Variants in HIPK3 observed in about 807,000 individuals in gnomAD.
HIPK3 encodes homeodomain interacting protein kinase 3.
In HIPK3, 47 loss-of-function variants were observed where a neutral mutation model predicts 124.2. The observed-to-expected ratio is 0.38, with a 90% CI of 0.30 to 0.48. The LOEUF is 0.48. Among genes scored for constraint, HIPK3 ranks in the 20% least tolerant of loss-of-function variants. HIPK3 has a pLI of 0.98. For missense variants in HIPK3, 1,286 were observed against 1,454.3 expected (o/e 0.88, Z 1.88); for synonymous variants, 482 against 515.2 (o/e 0.94, Z 0.87).
In HIPK3 at chr11:33,298,188, C is replaced by T. The variant is rs191035877; in HGVS notation, c.1097+10677C>T. ...AAAATCCCAGAGCCCTTTAGAATTA[C>T]GCCAAATCGACTCTGCCTCGACTCT... is the stretch of plus-strand genomic sequence containing the variant. On this transcript the variant is annotated intron_variant, in intron 2 of 16. Transcript: ENST00000303296. Among the ~76,000 whole-genome samples, 55 of 152,268 alleles carry T rather than the reference C, an allele frequency of 3.6e-4. No individual in the cohort carries two copies. The East Asian group carries it at 7.3e-3, about 20-fold the overall frequency.
At chr11:33,283,617 C>T (rs993789216) in intron 1 of HIPK3, among the ~76,000 whole-genome samples, 2 of 151,744 alleles carry the variant, frequency 1.3e-5, no homozygotes, top group African/African-American at 2.4e-5. Flanking sequence ...TTCCTTGTAC[C>T]ATACCTTAGC....
At chr11:33,256,711 G>A, upstream of HIPK3, 2 of 984,558 alleles carry the variant, frequency 2.0e-6, no homozygotes, top group Non-Finnish European at 2.4e-6. Flanking sequence ...TAGTCTTTGG[G>A]AGTTAAACCG....
At chr11:33,310,311 T>TATCTATCTAATCTA (rs1565078200) in intron 2 of HIPK3, among the ~76,000 whole-genome samples, 1 of 150,848 alleles carries the variant, frequency 6.6e-6, no homozygotes, top group African/African-American at 2.5e-5. Context: ...CTATCTAATC[T>TATCTATCTAATCTA]ATCTATCTAT....
chr11:33,287,864 T>C (rs1309216238), intron 2 of HIPK3, among the ~76,000 whole-genome samples: 2 of 152,188 alleles, frequency 1.3e-5, no homozygotes. Context: ...ATTTTAGCAC[T>C]TGAGAGAAAT....
chr11:33,313,038 G>T (rs966480346), intron 2 of HIPK3, among the ~76,000 whole-genome samples: 1 of 152,116 alleles, frequency 6.6e-6, no homozygotes, highest in Non-Finnish European at 1.5e-5. Flanking sequence ...TTAATAGGTT[G>T]TACTTGAAAA....
intron 1 of HIPK3, chr11:33,258,214 C>A (rs1850722243): frequency 4.1e-6 from 3 of 738,030 alleles, no homozygotes; most frequent in Middle Eastern, 7.0e-4. Context: ...GGCCCCCCCT[C>A]CCCCTGCCAA....
chr11:33,280,459 TA>T (rs1210926709), intron 1 of HIPK3, among the ~76,000 whole-genome samples: 1 of 152,210 alleles, frequency 6.6e-6, no homozygotes. Context: ...GTGGTCAAGT[TA>T]ATAAGTAATT....
intron 4 of HIPK3, among the ~76,000 whole-genome samples, chr11:33,337,786 G>A (rs1015015533): frequency 5.3e-5 from 8 of 151,874 alleles, no homozygotes; most frequent in Non-Finnish European, 1.0e-4. Flanking sequence ...CGATTCTCCT[G>A]CCTTAGCCTC....
intron 8 of HIPK3, among the ~76,000 whole-genome samples, chr11:33,345,527 G>A (rs1211791036): frequency 6.6e-6 from 1 of 152,074 alleles, no homozygotes; most frequent in African/African-American, 2.4e-5. Flanking sequence ...TCATCTTAAG[G>A]CATTGCTTGT....
At chr11:33,300,419 A>G (rs1334509985) in intron 2 of HIPK3, among the ~76,000 whole-genome samples, 1 of 152,110 alleles carries the variant, frequency 6.6e-6, no homozygotes, top group Non-Finnish European at 1.5e-5. Context: ...AGCAGCCATC[A>G]ACATTAAGGT....
At chr11:33,314,953 A>G (rs1852453447) in intron 2 of HIPK3, among the ~76,000 whole-genome samples, 1 of 152,168 alleles carries the variant, frequency 6.6e-6, no homozygotes, top group South Asian at 2.1e-4. Flanking sequence ...ACTTACATTT[A>G]TTTTGTTATG....
At chr11:33,304,284 G>T (rs266449) in intron 2 of HIPK3, among the ~76,000 whole-genome samples, 1 of 152,180 alleles carries the variant, frequency 6.6e-6, no homozygotes. Context: ...GCGGGCAGGC[G>T]CAGTGGCTCA....
intron 2 of HIPK3, among the ~76,000 whole-genome samples, chr11:33,308,613 GGTGTGTGTGTGT>G (rs10628141): frequency 1.4e-5 from 2 of 147,476 alleles, no homozygotes; most frequent in East Asian, 4.0e-4. Flanking sequence ...TGTGCCTAGG[GGTGTGTGTGTGT>G]GTGTGTGTGT....
rs569657051 is a variant in HIPK3 at position 33,328,830 on chromosome 11, T to C, written c.1221+197T>C. On this transcript the variant is annotated intron_variant, in intron 3 of 16. Coordinates refer to ENST00000303296, the MANE Select transcript of HIPK3 (RefSeq NM_005734.5). ...TAAGTTTTCATAAAGTTACAGCCTA[T>C]AGAATCTCAAAACCAGTTTTGTAAA... is the stretch of plus-strand genomic sequence containing the variant. Among the ~76,000 whole-genome samples the C allele has an allele frequency of 5.3e-5, 8 of 152,336 alleles. No individual in the cohort carries two copies. In the East Asian group the frequency reaches 7.7e-4, roughly 15 times the overall value.
chr11:33,280,870 G>C (rs1483242759), intron 1 of HIPK3, among the ~76,000 whole-genome samples: 1 of 151,954 alleles, frequency 6.6e-6, no homozygotes, highest in South Asian at 2.1e-4. Context: ...AGACTTGGGG[G>C]CCCTGATTTG....
chr11:33,308,819 A>G lies in HIPK3; in HGVS notation c.1098-19691A>G, dbSNP rs913225312. Among the ~76,000 whole-genome samples the G allele has an allele frequency of 5.9e-5, 9 of 151,272 alleles. No individual in the cohort carries two copies. In the South Asian group the frequency reaches 1.2e-3, roughly 21 times the overall value. On this transcript the variant is annotated intron_variant, in intron 2 of 16. Transcript: ENST00000303296. ...GTTCTATATATATAAGACTTTAAAA[A>G]TGATCTGTATATTTCTGATGTTTTC...
At position 33,257,863 on chromosome 11, in the gene HIPK3, G is replaced by C; in HGVS notation, c.-29G>C. ...ATGCTCAGGGCTGCGGCCGCCCGAAGAGGAGAGAGCGCGGGCCTCTAGGAA... is the reference window on the plus strand; with the variant it reads ...ATGCTCAGGGCTGCGGCCGCCCGAACAGGAGAGAGCGCGGGCCTCTAGGAA... On this transcript the variant is annotated 5_prime_UTR_variant, in exon 1 of 17. Transcript: ENST00000303296. 1.0e-6 allele frequency: 1 copy of C among 985,600 alleles called. No homozygotes were observed. The allele number at this position is 985,600 out of a possible 1,614,324, so 61.1% of individuals were successfully genotyped here.
At chr11:33,290,544 A>G (rs1166198918) in intron 2 of HIPK3, among the ~76,000 whole-genome samples, 1 of 151,248 alleles carries the variant, frequency 6.6e-6, no homozygotes, top group Non-Finnish European at 1.5e-5. Flanking sequence ...CTAGTAAATG[A>G]CTTCACTTCA....
intron 2 of HIPK3, among the ~76,000 whole-genome samples, chr11:33,325,813 A>T (rs185017064): frequency 6.6e-6 from 1 of 152,242 alleles, no homozygotes; most frequent in Non-Finnish European, 1.5e-5. Context: ...AGGATTAATA[A>T]CAGTGCAGCT....
Sources: gnomAD v4.1 joint callset for allele counts (sites outside exome capture counted in the v4.1 genomes callset) on GRCh38, gnomAD v4.1.1 for gene constraint, MANE v1.5 for transcripts, NCBI Gene and HGNC (gene_info 2026-07-23, HGNC 2026-07-21) for gene names.